The following SUGCT variants were observed in gnomAD, a reference collection of about 807,000 sequenced individuals.
The protein encoded by SUGCT is succinyl-CoA:glutarate CoA-transferase.
SUGCT carries 41 observed loss-of-function variants against 55.0 expected under a neutral mutation model. The ratio of observed to expected loss-of-function variants is 0.74; its 90% confidence interval spans 0.58 to 0.97. The LOEUF is 0.97. SUGCT is among the 50% of genes least tolerant of loss of function. The probability of loss-of-function intolerance (pLI) is 0.00; values close to 1 mark genes in which losing one functional copy is unlikely to be tolerated. For missense variants in SUGCT, 568 were observed against 547.8 expected (o/e 1.04, Z -0.37); for synonymous variants, 187 against 200.4 (o/e 0.93, Z 0.56).
At chr7:40,820,414 A>G (rs544541334) in intron 13 of SUGCT, among the ~76,000 whole-genome samples, 173 of 152,248 alleles carry the variant, frequency 1.1e-3, no homozygotes, top group African/African-American at 3.7e-3. Context: ...ATGTTCTTCC[A>G]TTTGTTTGTG....
intron 7 of SUGCT, among the ~76,000 whole-genome samples, chr7:40,249,406 A>AAT (rs1163142917): frequency 6.9e-6 from 1 of 144,772 alleles, no homozygotes; most frequent in African/African-American, 2.5e-5. Context: ...TAAAGTATAT[A>AAT]ATATATATAA....
Position 40,542,824 on chromosome 7 carries a change from G to A in SUGCT, c.1089+46438G>A, listed in dbSNP as rs1162477473. ...GGAACCCTGTTTATGACACTGATTC[G>A]ATATAGTTAAACTCCGAGCTTCTAT... On this transcript the variant is annotated intron_variant, in intron 12 of 13. Transcript: ENST00000335693. 3.9e-5 allele frequency among the ~76,000 whole-genome samples: 6 copies of A among 152,246 alleles called. No individual in the cohort carries two copies. In the South Asian group the frequency reaches 1.0e-3, roughly 26 times the overall value.
intron 12 of SUGCT, chr7:40,538,685 T>C (rs577018692): frequency 6.6e-6 from 1 of 152,210 alleles, no homozygotes; most frequent in Admixed American, 6.5e-5. Context: ...GCTGAGCGTC[T>C]GGGGAAATTT....
At chr7:41,034,239 ATG>A in the SUGCT span, among the ~76,000 whole-genome samples, 17 of 152,158 alleles carry the variant, frequency 1.1e-4, no homozygotes. Context: ...GTGCGTGCGT[ATG>A]TGTGTGTGCT....
At chr7:40,356,695 A>G (rs929486641) in intron 9 of SUGCT, among the ~76,000 whole-genome samples, 2 of 152,228 alleles carry the variant, frequency 1.3e-5, no homozygotes, top group Non-Finnish European at 2.9e-5. Flanking sequence ...AACACATTTT[A>G]GCAGATTCCG....
chr7:40,877,184 A>G, the SUGCT span, among the ~76,000 whole-genome samples: 121 of 152,332 alleles, frequency 7.9e-4, no homozygotes, highest in Middle Eastern at 6.8e-3. Context: ...TTTCTTTTGA[A>G]ACATAGCTTG....
intron 12 of SUGCT, among the ~76,000 whole-genome samples, chr7:40,716,590 A>G (rs569962668): frequency 1.3e-5 from 2 of 152,348 alleles, no homozygotes; most frequent in East Asian, 3.8e-4. Context: ...TCACTAGGGT[A>G]ATTGGCTAAT....
chr7:40,500,576 G>A (rs1260385464), intron 12 of SUGCT, among the ~76,000 whole-genome samples: 1 of 152,038 alleles, frequency 6.6e-6, no homozygotes, highest in Admixed American at 6.6e-5. Context: ...AACCCCTTTA[G>A]CAAATCTTTT....
chr7:40,135,290 G>T (rs1787619067), intron 1 of SUGCT, among the ~76,000 whole-genome samples, 170 bp downstream of exon 1: 1 of 152,318 alleles, frequency 6.6e-6, no homozygotes, highest in East Asian at 1.9e-4. Context: ...GGCCTGCCCC[G>T]CTCTGGCCGC....
chr7:40,343,558 C>T (rs1314358790), intron 9 of SUGCT, among the ~76,000 whole-genome samples: 3 of 152,066 alleles, frequency 2.0e-5, no homozygotes, highest in Non-Finnish European at 4.4e-5. Flanking sequence ...ATCCTTTGGC[C>T]GATCTCCAAA....
At chr7:40,356,314 T>A (rs1168522742) in intron 9 of SUGCT, among the ~76,000 whole-genome samples, 3 of 152,226 alleles carry the variant, frequency 2.0e-5, no homozygotes, top group African/African-American at 7.2e-5. Flanking sequence ...TCATTAAACA[T>A]ATTGTCAAAT....
intron 12 of SUGCT, among the ~76,000 whole-genome samples, chr7:40,690,258 A>C (rs1784636125): frequency 6.6e-6 from 1 of 152,152 alleles, no homozygotes; most frequent in African/African-American, 2.4e-5. Context: ...TCACAATATC[A>C]TTATATATAT....
intron 13 of SUGCT, among the ~76,000 whole-genome samples, chr7:40,851,333 G>A (rs1344961751): frequency 6.6e-6 from 1 of 152,096 alleles, no homozygotes; most frequent in African/African-American, 2.4e-5. Flanking sequence ...AAAAAAAAAT[G>A]TTTAATGTTG....
the SUGCT span, among the ~76,000 whole-genome samples, chr7:41,032,015 A>G: frequency 6.6e-6 from 1 of 152,000 alleles, no homozygotes; most frequent in Non-Finnish European, 1.5e-5. Context: ...GAATGAATGA[A>G]TGAATGAACC....
the SUGCT span, among the ~76,000 whole-genome samples, chr7:41,023,926 C>T: frequency 3.3e-5 from 5 of 152,084 alleles, no homozygotes; most frequent in Admixed American, 1.3e-4. Flanking sequence ...TGAATTGCAG[C>T]CCAAAGCATC....
At chr7:40,732,828 G>C (rs183054487) in intron 12 of SUGCT, among the ~76,000 whole-genome samples, 1 of 152,200 alleles carries the variant, frequency 6.6e-6, no homozygotes, top group East Asian at 1.9e-4. Context: ...GAGCCAACAC[G>C]CCTGTAATCC....
intron 12 of SUGCT, among the ~76,000 whole-genome samples, chr7:40,579,819 A>T (rs1312578272): frequency 1.3e-5 from 2 of 152,194 alleles, no homozygotes; most frequent in Non-Finnish European, 2.9e-5. Context: ...GCCAAAGCAC[A>T]TAATCCCTGT....
At chr7:40,989,304 A>G in the SUGCT span, among the ~76,000 whole-genome samples, 1 of 152,184 alleles carries the variant, frequency 6.6e-6, no homozygotes, top group Admixed American at 6.5e-5. Context: ...AGTCCTCCCA[A>G]ATTCTACCAC....
At chr7:40,227,859 GTTAT>G (rs1181677527) in intron 6 of SUGCT, among the ~76,000 whole-genome samples, 2 of 150,374 alleles carry the variant, frequency 1.3e-5, no homozygotes, top group African/African-American at 2.4e-5. Context: ...TTATTTATTT[GTTAT>G]TTATTTATTT....
Sources: gnomAD v4.1 joint callset for allele counts (sites outside exome capture counted in the v4.1 genomes callset) on GRCh38, gnomAD v4.1.1 for gene constraint, MANE v1.5 for transcripts, NCBI Gene and HGNC (gene_info 2026-07-23, HGNC 2026-07-21) for gene names.